Variants in TMEM135 observed in about 807,000 individuals in gnomAD.
The protein encoded by TMEM135 is peroxisomal membrane protein 52.
TMEM135 carries 30 observed loss-of-function variants against 60.3 expected under a neutral mutation model. The ratio of observed to expected loss-of-function variants is 0.50; its 90% CI spans 0.37 to 0.68. The LOEUF is 0.68. Among genes scored for constraint, TMEM135 ranks in the 30% least tolerant of loss-of-function variants. The pLI is 0.00. For missense variants in TMEM135, 468 were observed against 548.8 expected, an observed-to-expected ratio of 0.85 and a Z score of 1.47; for synonymous variants, 190 against 186.7, an observed-to-expected ratio of 1.02 and a Z score of -0.14.
chr11:87,099,702 T>TTTTTTTTTTTA (rs1591018483), intron 4 of TMEM135, among the ~76,000 whole-genome samples: 1 of 121,850 alleles, frequency 8.2e-6, no homozygotes, highest in Non-Finnish European at 1.6e-5. Context: ...TTTTTTTTTT[T>TTTTTTTTTTTA]GAGGCAGAGT....
chr11:87,091,308 G>A, intron 3 of TMEM135, 54 bp from the exon 4 acceptor site: 1 of 1,457,464 alleles, frequency 6.9e-7, no homozygotes, highest in Non-Finnish European at 9.6e-7. Context: ...AAATGATAAA[G>A]TGATTACTAA....
chr11:87,053,923 TA>T (rs1333645479), intron 1 of TMEM135, among the ~76,000 whole-genome samples: 1 of 152,178 alleles, frequency 6.6e-6, no homozygotes, highest in Non-Finnish European at 1.5e-5. Context: ...TTCCTTCAGG[TA>T]ATAGGATATG....
intron 4 of TMEM135, among the ~76,000 whole-genome samples, chr11:87,119,847 C>G (rs1213624859): frequency 6.6e-6 from 1 of 151,752 alleles, no homozygotes; most frequent in Non-Finnish European, 1.5e-5. Context: ...CTTGGATAGA[C>G]TTGCTCCATG....
At chr11:87,085,099 T>C (rs1338815918) in intron 3 of TMEM135, among the ~76,000 whole-genome samples, 1 of 152,236 alleles carries the variant, frequency 6.6e-6, no homozygotes, top group African/African-American at 2.4e-5. Flanking sequence ...TCGTAGTGCT[T>C]AACATAACTG....
chr11:87,038,259 C>A, intron 1 of TMEM135, 73 bp downstream of exon 1: 3 of 1,487,378 alleles, frequency 2.0e-6, no homozygotes, highest in South Asian at 2.2e-5. Context: ...TTGGTGCTCC[C>A]GAGGGGCTCT....
rs1289227433 is a variant in TMEM135 at position 87,066,844 on chromosome 11, A to C, written c.142-850A>C. ...TTGCCAGGCTAGAGTGCAGTGGCAC[A>C]ATCTGGGCTCACTGCAACCTCCGCC... is the stretch of plus-strand genomic sequence containing the variant. On this transcript the variant is annotated intron_variant, in intron 1 of 14. Transcript: ENST00000305494. Among the ~76,000 whole-genome samples the C allele has an allele frequency of 2.7e-5, 4 of 147,580 alleles. No homozygotes were observed. The Admixed American group carries it at 2.7e-4, about 10-fold the overall frequency.
At chr11:87,154,903 G>A (rs199974680) in intron 4 of TMEM135, among the ~76,000 whole-genome samples, 1 of 152,248 alleles carries the variant, frequency 6.6e-6, no homozygotes, top group African/African-American at 2.4e-5. Flanking sequence ...ATTTGCAGGT[G>A]TTTTCTATTT....
chr11:87,179,986 T>C (rs928919096), intron 5 of TMEM135, among the ~76,000 whole-genome samples: 2 of 152,154 alleles, frequency 1.3e-5, no homozygotes, highest in Non-Finnish European at 2.9e-5. Context: ...TTTCTTTTTC[T>C]CCCAGCTTGG....
At chr11:87,127,949 T>C (rs1333155390) in intron 4 of TMEM135, among the ~76,000 whole-genome samples, 1 of 152,184 alleles carries the variant, frequency 6.6e-6, no homozygotes, top group Non-Finnish European at 1.5e-5. Flanking sequence ...AGAAGAAATA[T>C]CTGCTTTGGA....
chr11:87,297,534 AAGTT>A (rs1217460094), intron 7 of TMEM135, among the ~76,000 whole-genome samples: 1 of 152,248 alleles, frequency 6.6e-6, no homozygotes, highest in Non-Finnish European at 1.5e-5. Context: ...ACAAAAACAA[AAGTT>A]AGGTTTTCAA....
At chr11:87,063,077 G>A (rs374859483) in intron 1 of TMEM135, among the ~76,000 whole-genome samples, 17 of 152,200 alleles carry the variant, frequency 1.1e-4, no homozygotes, top group African/African-American at 3.9e-4. Context: ...AGTCTGGAAC[G>A]TATCCAAAAG....
chr11:87,177,929 A>C (rs963730195), intron 5 of TMEM135, among the ~76,000 whole-genome samples: 1 of 152,154 alleles, frequency 6.6e-6, no homozygotes, highest in African/African-American at 2.4e-5. Context: ...ATATAGTTTT[A>C]TTATAAAGGG....
chr11:87,288,861 A>G (rs933673317), intron 6 of TMEM135, among the ~76,000 whole-genome samples: 6 of 152,230 alleles, frequency 3.9e-5, no homozygotes, highest in African/African-American at 1.4e-4. Flanking sequence ...ACAGTGGCAC[A>G]TGCCTGTGAT....
At chr11:87,198,541 T>C (rs1591097069) in intron 5 of TMEM135, among the ~76,000 whole-genome samples, 1 of 131,024 alleles carries the variant, frequency 7.6e-6, no homozygotes, top group Admixed American at 8.1e-5. Flanking sequence ...ACTCCTCCCT[T>C]CCCTCCTCCC....
chr11:87,242,222 A>G (rs1209405663), intron 6 of TMEM135, among the ~76,000 whole-genome samples: 2 of 151,444 alleles, frequency 1.3e-5, no homozygotes, highest in African/African-American at 2.4e-5. Context: ...TGGTGTATAT[A>G]TGCCACATTT....
In TMEM135 at chr11:87,164,249, C is replaced by T. The variant is rs907898129; in HGVS notation, c.462+6843C>T. On this transcript the variant is annotated intron_variant, in intron 5 of 14. Transcript: ENST00000305494. ...AAGAAAGGGATCCAGTTTCAGCTTT[C>T]TACATATGGCTAGCCAGTTTTCCCA... 5.1e-5 allele frequency among the ~76,000 whole-genome samples: 6 copies of T among 117,200 alleles called. 1 individual carries two copies. The highest frequency in any genetic ancestry group is 2.0e-4 in the Admixed American group (2 of 9,982). 76.9% of individuals were successfully genotyped at this position (117,200 alleles called of 152,430 possible).
chr11:87,223,696 C>CACACACACACACACA (rs1326714722), intron 5 of TMEM135, among the ~76,000 whole-genome samples: 1 of 149,408 alleles, frequency 6.7e-6, no homozygotes, highest in Admixed American at 6.7e-5. Flanking sequence ...CACACACACA[C>CACACACACACACACA]AAAATTAGCT....
rs533100467 is a variant in TMEM135, at chr11:87,325,137, T to C, written c.*3804T>C. The C allele has an allele frequency of 3.3e-5, 15 of 450,876 alleles. No homozygotes were observed. The highest frequency in any genetic ancestry group is 1.6e-4 in the Admixed American group (7 of 42,456). 27.9% of individuals were successfully genotyped at this position (450,876 alleles called of 1,614,324 possible). ...GTCAAGGACTGAGATGACCCTCAGA[T>C]TGGGGGGCTGTCTTAGATTCTAGGG... On this transcript the variant is annotated 3_prime_UTR_variant, in exon 15 of 15. Coordinates refer to ENST00000305494, the MANE Select transcript of TMEM135 (RefSeq NM_022918.4).
At chr11:87,310,578 A>G (rs1290240992) in intron 10 of TMEM135, among the ~76,000 whole-genome samples, 1 of 151,412 alleles carries the variant, frequency 6.6e-6, no homozygotes, top group African/African-American at 2.4e-5. Context: ...TACCCCTGTA[A>G]CAAACCTGCA....
Sources: allele counts gnomAD v4.1 joint callset (sites outside exome capture counted in the v4.1 genomes callset), GRCh38; gene constraint gnomAD v4.1.1; transcripts MANE v1.5; gene names NCBI Gene and HGNC (gene_info 2026-07-23, HGNC 2026-07-21).